Variants in RENBP observed in about 807,000 individuals in gnomAD.
The protein encoded by RENBP is N-acylglucosamine 2-epimerase.
RENBP carries 16 observed loss-of-function variants against 37.8 expected under a neutral mutation model. That is an observed-to-expected ratio of 0.42 (90% CI 0.29 to 0.64). RENBP has a LOEUF of 0.64. Ranked by LOEUF, RENBP falls within the 30% of genes least tolerant of loss-of-function variation. RENBP has a pLI of 0.19. For synonymous variants in RENBP, 170 were observed against 154.8 expected, an observed-to-expected ratio of 1.10 and a Z score of -0.73; for missense variants, 347 against 379.5, an observed-to-expected ratio of 0.91 and a Z score of 0.71.
rs145748837 is a variant in RENBP at position 153,944,132 on chromosome X, C to T, written c.161G>A (p.Arg54His). ...EHGGFFTCLG[R>H]EGRVYDDLKY... is the part of the protein sequence containing the mutation. ...GAGGTCATCATACACCCGCCCCTCGCGGCCAAGGCACGTGAAGAAGCCCCT... is the reference window on the plus strand; with the variant it reads ...GAGGTCATCATACACCCGCCCCTCGTGGCCAAGGCACGTGAAGAAGCCCCT... The change falls in exon 3 of 11, where the codon CGC becomes CAC. Residue 54 changes from arginine (R) to histidine (H), a missense_variant. Transcript: ENST00000393700. 55 of 1,209,480 alleles carry T rather than the reference C, an allele frequency of 4.5e-5. No homozygotes were observed. The African/African-American group carries it at 6.8e-4, about 15-fold the overall frequency.
rs2269371 is a variant in RENBP, at chrX:153,941,572, T to C, written c.851A>G (p.Asp284Gly). The C allele has an allele frequency of 0.017, 20,397 of 1,206,212 alleles. 700 individuals carry two copies. Among genetic ancestry groups the C allele is most frequent in the African/African-American group, 0.14 (7,997 of 56,127 alleles). ...GDPELRAHVI[D>G]KFLLLPFHSG... ...GTGGAAGGGCAACAATAGGAACTTG[T>C]CAATCACGTGGGCTCGAAGTTCGGG... The change falls in exon 8 of 11, where the codon GAC (aspartate) becomes GGC (glycine). Residue 284 changes from aspartate to glycine, a missense_variant. Asp to Gly is a moderately conservative substitution (Grantham distance 94). Coordinates refer to ENST00000393700, the MANE Select transcript of RENBP (RefSeq NM_002910.6).
intron 9 of RENBP, 95 bp downstream of exon 9, chrX:153,940,007 C>T (rs1442001186): frequency 1.1e-5 from 11 of 1,044,736 alleles, no homozygotes; most frequent in Non-Finnish European, 1.3e-5. Flanking sequence ...ACCAGCTGAG[C>T]GACTGTGCTC....
chrX:153,936,556 A>G lies in RENBP; in HGVS notation c.1078-980T>C, dbSNP rs182400364. ...GAAAAGAAACAAAGAACCCTGATGG[A>G]GGCGACGACCTGTCATGAAACTCTT... On this transcript the variant is annotated intron_variant, in intron 9 of 10. Coordinates refer to ENST00000393700, the MANE Select transcript of RENBP (RefSeq NM_002910.6). Among the ~76,000 whole-genome samples the G allele has an allele frequency of 2.5e-3, 275 of 109,219 alleles. 1 individual carries two copies. The highest frequency in any genetic ancestry group is 3.8e-3 in the Non-Finnish European group (200 of 52,423). The allele number at this position is 109,219 out of a possible 115,157, so 94.8% of individuals were successfully genotyped here. A position where few individuals can be genotyped will look rare whatever the true frequency, so the allele number is the denominator to read the frequency against.
chrX:153,940,019 G>T, intron 9 of RENBP, 83 bp downstream of exon 9: 1 of 1,103,614 alleles, frequency 9.1e-7, no homozygotes, highest in Non-Finnish European at 1.2e-6. Flanking sequence ...ACTGTGCTCA[G>T]CGAGGGGGCA....
chrX:153,943,549 G>A lies in RENBP; in HGVS notation c.459C>T (p.Tyr153=). 1 of 1,207,079 alleles carries A rather than the reference G, an allele frequency of 8.3e-7. No individual in the cohort carries two copies. Among genetic ancestry groups the A allele is most frequent in the Non-Finnish European group, 1.1e-6 (1 of 892,312 alleles). ...ELWRATGEVR[Y]QTEAVEMMDQ... is the part of the protein sequence containing the mutation. Reference sequence around the variant, plus strand: ...GGGGCACCCTCCTCTCACACACCTGGTACCGCACTTCCCCTGTGGCTCTCC... The same window carrying A: ...GGGGCACCCTCCTCTCACACACCTGATACCGCACTTCCCCTGTGGCTCTCC... Residue 153 remains tyrosine, a synonymous_variant, in exon 5 of 11, where the codon TAC becomes TAT. Coordinates refer to ENST00000393700, the MANE Select transcript of RENBP (RefSeq NM_002910.6).
Position 153,944,100 on chromosome X carries a change from C to G in RENBP, c.193G>C (p.Val65Leu). 2 of 1,211,076 alleles carry G rather than the reference C, an allele frequency of 1.7e-6. No homozygotes were observed. Among genetic ancestry groups the G allele is most frequent in the Non-Finnish European group, 2.2e-6 (2 of 895,205 alleles). ...EGRVYDDLKY[V>L]WLQGRQVWMY... Reference sequence around the variant, plus strand: ...CATACCTGCCTCCCCTGCAGCCACACATACTTGAGGTCATCATACACCCGC... The same window carrying G: ...CATACCTGCCTCCCCTGCAGCCACAGATACTTGAGGTCATCATACACCCGC... Residue 65 changes from valine to leucine, a missense_variant, in exon 3 of 11, where the codon GTG becomes CTG. Val to Leu is a conservative substitution (Grantham distance 32). Around this residue, in one of 3 missense-constraint regions of RENBP, gnomAD observed 244 missense variants for 279.4 expected, o/e 0.87. Transcript: ENST00000393700.
At chrX:153,941,882 G>A in intron 7 of RENBP, 68 bp downstream of exon 7, 2 of 993,320 alleles carry the variant, frequency 2.0e-6, no homozygotes, top group Non-Finnish European at 2.9e-6. Context: ...TCCCATATCT[G>A]AAGCCCAGAA....
chrX:153,942,848 C>A lies in RENBP; in HGVS notation c.687+7G>T. The A allele has an allele frequency of 5.1e-6, 6 of 1,177,473 alleles. No homozygotes were observed. The highest frequency in any genetic ancestry group is 4.6e-6 in the Non-Finnish European group (4 of 865,973). On this transcript the variant is annotated splice_region_variant and intron_variant, in intron 6 of 10. Transcript: ENST00000393700. ...CCCACCACCCCAGCTCCCCAGGCATCCCCCACCTGCACGTGCTGCAGAATC... is the reference window on the plus strand; with the variant it reads ...CCCACCACCCCAGCTCCCCAGGCATACCCCACCTGCACGTGCTGCAGAATC...
At chrX:153,942,096 G>A (rs2065229552) in intron 6 of RENBP, 65 bp from the exon 7 acceptor site, 1 of 895,145 alleles carries the variant, frequency 1.1e-6, no homozygotes. Flanking sequence ...CACCCAACTA[G>A]AAAGACCCAG....
intron 6 of RENBP, 43 bp downstream of exon 6, chrX:153,942,812 G>T: frequency 9.2e-7 from 1 of 1,090,562 alleles, no homozygotes; most frequent in African/African-American, 1.8e-5. Context: ...GAGTGGGGGA[G>T]TGGAAGGCCT....
At chrX:153,942,770 T>G (rs1446972781) in intron 6 of RENBP, 85 bp downstream of exon 6, 1 of 782,436 alleles carries the variant, frequency 1.3e-6, no homozygotes, top group Non-Finnish European at 2.0e-6. Context: ...TCTCTGTCTC[T>G]CCAGGTGTGT....
In RENBP at chrX:153,935,540, G is replaced by T. The variant is rs782619559; in HGVS notation, c.1114C>A (p.Leu372Met). 2.5e-6 allele frequency: 3 copies of T among 1,209,331 alleles called. No homozygotes were observed. In the African/African-American group the frequency reaches 5.2e-5, roughly 21 times the overall value. ...AGGGCCACCTTGCCCTCTCGGCTCAGGTAGCCAAACCATTCCCCGTACTCG... is the reference window on the plus strand; with the variant it reads ...AGGGCCACCTTGCCCTCTCGGCTCATGTAGCCAAACCATTCCCCGTACTCG... ...DPEYGEWFGY[L>M]SREGKVALSI... Residue 372 changes from leucine (L) to methionine (M), a missense_variant, in exon 10 of 11, where the codon CTG becomes ATG. Coordinates refer to ENST00000393700, the MANE Select transcript of RENBP (RefSeq NM_002910.6).
intron 6 of RENBP, chrX:153,942,332 G>A: frequency 4.5e-6 from 1 of 221,999 alleles, no homozygotes; most frequent in South Asian, 1.1e-4. Context: ...CACCTCCTGG[G>A]TTCATGCGAT....
chrX:153,942,650 G>T (rs1397973688), intron 6 of RENBP: 1 of 439,073 alleles, frequency 2.3e-6, no homozygotes, highest in East Asian at 3.8e-5. Context: ...GCCTGGAAGG[G>T]ACTTGGGTGG....
In RENBP at chrX:153,944,590, C is replaced by T; in HGVS notation, c.21G>A (p.Ala7=). Residue 7 remains alanine (A), a synonymous_variant, in exon 1 of 11, where the codon GCG becomes GCA. Transcript: ENST00000393700. ...CAAGCACCCCACCACTGGCCTGTCGCGCTGGGAGACCCTTGCTCATCCCTC... is the reference window on the plus strand; with the variant it reads ...CAAGCACCCCACCACTGGCCTGTCGTGCTGGGAGACCCTTGCTCATCCCTC... MSKGLP[A]RQDMEKERET... The T allele has an allele frequency of 1.7e-6, 2 of 1,167,996 alleles. No homozygotes were observed. Among genetic ancestry groups the T allele is most frequent in the South Asian group, 1.9e-5 (1 of 52,870 alleles).
Position 153,935,356 on chromosome X carries a change from C to G in RENBP, c.1214G>C (p.Gly405Ala). ...GGGGGCGGGGCGGCTCAGCAGGGCG[C>G]CCAGCATCTCCTCGCACATGGCTAG... ...RCLAMCEEMLGALLSRPAPAP... is the reference protein window; with the variant it reads ...RCLAMCEEMLAALLSRPAPAP... The change falls in exon 11 of 11, where the codon GGC (glycine) becomes GCC (alanine). Residue 405 changes from glycine to alanine, a missense_variant. By Grantham distance (60) the Gly-to-Ala change is moderately conservative. Around this residue, in one of 3 missense-constraint regions of RENBP, gnomAD observed 91 missense variants for 67.7 expected, o/e 1.34. Transcript: ENST00000393700. 9.0e-7 allele frequency: 1 copy of G among 1,112,261 alleles called. No individual in the cohort carries two copies. The highest frequency in any genetic ancestry group is 1.2e-6 in the Non-Finnish European group (1 of 846,562). 91.7% of individuals were successfully genotyped at this position (1,112,261 alleles called of 1,213,427 possible). A position where few individuals can be genotyped will look rare whatever the true frequency, so the allele number is the denominator to read the frequency against.
chrX:153,943,133 TC>T (rs2065234999), intron 5 of RENBP, 54 bp from the exon 6 acceptor site: 2 of 918,090 alleles, frequency 2.2e-6, no homozygotes, highest in Admixed American at 7.0e-5. Flanking sequence ...TCCTGTGCCA[TC>T]CCCCTGGACA....
rs2065236014 is a variant in RENBP at position 153,943,413 on chromosome X, C to T, written c.462+133G>A. 18 of 641,933 alleles carry T rather than the reference C, an allele frequency of 2.8e-5. 1 individual carries two copies. The South Asian group carries it at 5.4e-4, about 19-fold the overall frequency. 52.9% of individuals were successfully genotyped at this position (641,933 alleles called of 1,213,427 possible). A position where few individuals can be genotyped will look rare whatever the true frequency, so the allele number is the denominator to read the frequency against. On this transcript the variant is annotated intron_variant, in intron 5 of 10. Coordinates refer to ENST00000393700, the MANE Select transcript of RENBP (RefSeq NM_002910.6). Reference sequence around the variant, plus strand: ...CTGCGCCCCTGTGGGGGTAGGGGAGCGTTCAGAGGTGAAGGGGACTTGGCC... The same window carrying T: ...CTGCGCCCCTGTGGGGGTAGGGGAGTGTTCAGAGGTGAAGGGGACTTGGCC...
At chrX:153,936,131 T>TCAAA (rs782464512) in intron 9 of RENBP, 1 of 118,063 alleles carries the variant, frequency 8.5e-6, no homozygotes, top group Non-Finnish European at 1.7e-5. Flanking sequence ...AGACTCCATC[T>TCAAA]CAAACAAACA....
Sources: allele counts gnomAD v4.1 joint callset (sites outside exome capture counted in the v4.1 genomes callset), GRCh38; gene constraint gnomAD v4.1.1; regional missense constraint gnomAD v4.1.1; transcripts MANE v1.5; gene names NCBI Gene and HGNC (gene_info 2026-07-23, HGNC 2026-07-21).